The following TNXB variants were observed in gnomAD, a reference collection of about 807,000 sequenced individuals.
TNXB encodes tenascin XB, also known as tenascin-X.
A neutral mutation model predicts 340.5 loss-of-function variants in TNXB; 183 were observed. The observed-to-expected ratio is 0.54, with a 90% confidence interval of 0.48 to 0.61. TNXB has a LOEUF of 0.61. Ranked by LOEUF, TNXB falls within the 20% of genes least tolerant of loss-of-function variation. TNXB has a pLI of 0.00. For missense variants in TNXB, 4,613 were observed against 5,446.4 expected (o/e 0.85, Z 4.82); for synonymous variants, 2,121 against 2,314.5 (o/e 0.92, Z 2.40).
Position 32,100,821 on chromosome 6 carries a change from C to T in TNXB, c.-8-2615G>A, listed in dbSNP as rs535727128. 5.9e-5 allele frequency among the ~76,000 whole-genome samples: 9 copies of T among 152,094 alleles called. No homozygotes were observed. The South Asian group carries it at 1.5e-3, about 25-fold the overall frequency. The stretch of plus-strand genomic sequence containing the variant: ...AGGCAGCTGGGTGTGGTGGTTCACA[C>T]CTGAAATCCCAGCACTTTGGGAGGC... On this transcript the variant is annotated intron_variant, in intron 1 of 43. Coordinates refer to ENST00000644971, the MANE Select transcript of TNXB (RefSeq NM_001365276.2).
At position 32,056,776 on chromosome 6, in the gene TNXB, G is replaced by A. The variant is rs751430201; in HGVS notation, c.7953C>T (p.Pro2651=). The A allele has an allele frequency of 4.9e-5, 79 of 1,613,176 alleles. No individual in the cohort carries two copies. The Admixed American group carries it at 9.5e-4, about 19-fold the overall frequency. ...CCAGGAAGTGGTCAAACTGGCCCTCGGGAACCGTCCAGGACAGGCTGAGGG... is the reference window on the plus strand; with the variant it reads ...CCAGGAAGTGGTCAAACTGGCCCTCAGGAACCGTCCAGGACAGGCTGAGGG... ...PDSLSLSWTV[P]EGQFDHFLVQ... The change falls in exon 23 of 44, where the codon CCC becomes CCT. Residue 2651 remains proline, a synonymous_variant. Coordinates refer to ENST00000644971, the MANE Select transcript of TNXB (RefSeq NM_001365276.2).
At chr6:32,048,099 G>T in intron 29 of TNXB, 87 bp from the exon 30 acceptor site, 1 of 1,472,274 alleles carries the variant, frequency 6.8e-7, no homozygotes, top group Non-Finnish European at 9.2e-7. Context: ...CTGTGAGCCG[G>T]TCCCAGGAAC....
Position 32,097,799 on chromosome 6 carries a change from T to C in TNXB, c.400A>G (p.Thr134Ala). Residue 134 changes from threonine (T) to alanine (A), a missense_variant, in exon 2 of 44, where the codon ACA becomes GCA. This residue lies in a region of TNXB where 4,327 missense variants were observed against 4,859.4 expected (regional missense o/e 0.89). Coordinates refer to ENST00000644971, the MANE Select transcript of TNXB (RefSeq NM_001365276.2). The surrounding 1 kb of genome is among the most constrained non-coding windows in gnomAD (Gnocchi z 5.9). ...TCTTCTGTGATCACCTGCTCACCTG[T>C]GCCAGCTTGGGCAGAGGCAGGACAA... is the stretch of plus-strand genomic sequence containing the variant. The part of the protein sequence containing the change: ...GCCPASAQAG[T>A]GQTDVRTLCS... 1 of 1,502,380 alleles carries C rather than the reference T, an allele frequency of 6.7e-7. No homozygotes were observed. The highest frequency in any genetic ancestry group is 8.9e-7 in the Non-Finnish European group (1 of 1,124,450). The allele number at this position is 1,502,380 out of a possible 1,614,324, so 93.1% of individuals were successfully genotyped here.
At position 32,081,694 on chromosome 6, in the gene TNXB, C is replaced by G. The variant is rs1339003151; in HGVS notation, c.3737-21G>C. 1 of 1,548,368 alleles carries G rather than the reference C, an allele frequency of 6.5e-7. No individual in the cohort carries two copies. Among genetic ancestry groups the G allele is most frequent in the Non-Finnish European group, 8.7e-7 (1 of 1,143,192 alleles). The stretch of plus-strand genomic sequence containing the variant: ...TGGAGCTGTAAACAAGGAGATCCAG[C>G]CAGGTGCTGAACTGGCAGCCTGGGA... On this transcript the variant is annotated intron_variant, in intron 9 of 43. Transcript: ENST00000644971. This position sits in a 1 kb window ranked among gnomAD's most constrained non-coding sequence, Gnocchi z 5.1.
Position 32,069,543 on chromosome 6 carries a change from G to T in TNXB, c.5587+10C>A. On this transcript the variant is annotated intron_variant, in intron 15 of 43. Transcript: ENST00000644971. The surrounding 1 kb of genome is among the most constrained non-coding windows in gnomAD (Gnocchi z 6.2). ...AGGAGGCACAGGTGTTCCAGCTGCC[G>T]CACACTCACCAGTAATGGCGACGGC... is the stretch of plus-strand genomic sequence containing the variant. 6.5e-7 allele frequency: 1 copy of T among 1,548,416 alleles called. No homozygotes were observed. Among genetic ancestry groups the T allele is most frequent in the Non-Finnish European group, 8.7e-7 (1 of 1,143,862 alleles).
chr6:32,091,121 T>C (rs1411719729), intron 4 of TNXB, among the ~76,000 whole-genome samples: 4 of 152,228 alleles, frequency 2.6e-5, no homozygotes, highest in African/African-American at 9.6e-5. Context: ...TTCTTTTTTC[T>C]TTTTTTGAGA....
chr6:32,058,573 C>T lies in TNXB; in HGVS notation c.7493-183G>A, dbSNP rs1367255646. ...AGCCGGTGAGGTATCCCCGAGCCCCCGGCCTGTACTGCTGGCAGAGCTGCA... is the reference window on the plus strand; with the variant it reads ...AGCCGGTGAGGTATCCCCGAGCCCCTGGCCTGTACTGCTGGCAGAGCTGCA... On this transcript the variant is annotated intron_variant, in intron 21 of 43. Coordinates refer to ENST00000644971, the MANE Select transcript of TNXB (RefSeq NM_001365276.2). The surrounding 1 kb of genome is among the most constrained non-coding windows in gnomAD (Gnocchi z 5.1). Among the ~76,000 whole-genome samples, 3 of 151,772 alleles carry T rather than the reference C, an allele frequency of 2.0e-5. No homozygotes were observed. Among genetic ancestry groups the T allele is most frequent in the East Asian group, 1.9e-4 (1 of 5,190 alleles).
chr6:32,043,822 A>G lies in TNXB; in HGVS notation c.11457T>C (p.Ala3819=). 1 of 1,613,498 alleles carries G rather than the reference A, an allele frequency of 6.2e-7. No homozygotes were observed. Among genetic ancestry groups the G allele is most frequent in the Non-Finnish European group, 8.5e-7 (1 of 1,179,976 alleles). Residue 3819 remains alanine (A), a synonymous_variant, in exon 35 of 44, where the codon GCT becomes GCC. Transcript: ENST00000644971. ...TQKLQGLIPG[A]RYEVTVVSVR... ...CCGAGACCACGGTCACCTCATAGCG[A>G]GCGCCTGGGATCAGCCCCTGGAGTT...
intron 4 of TNXB, among the ~76,000 whole-genome samples, chr6:32,094,407 TA>T (rs1276403841): frequency 6.6e-6 from 1 of 152,158 alleles, no homozygotes; most frequent in Non-Finnish European, 1.5e-5. Context: ...CTTTTATAAT[TA>T]AAAGTTACTT....
chr6:32,079,011 C>G lies in TNXB; in HGVS notation c.4375+22G>C. The G allele has an allele frequency of 6.2e-7, 1 of 1,600,632 alleles. No homozygotes were observed. Among genetic ancestry groups the G allele is most frequent in the Non-Finnish European group, 8.5e-7 (1 of 1,174,158 alleles). On this transcript the variant is annotated intron_variant, in intron 11 of 43. Transcript: ENST00000644971. The surrounding 1 kb of genome is among the most constrained non-coding windows in gnomAD (Gnocchi z 7.1). ...AGCCAGCAGTGGGAGGGAACCAAAG[C>G]AGGCCCCTGCCCCTCACTCACCTGT...
intron 1 of TNXB, among the ~76,000 whole-genome samples, chr6:32,099,478 C>T (rs1665335048): frequency 1.3e-5 from 2 of 152,054 alleles, no homozygotes; most frequent in Admixed American, 6.5e-5. Flanking sequence ...GTGATGTGCC[C>T]GCCTTGGCCT....
chr6:32,098,456 T>TTTTTTG (rs147759972), intron 1 of TNXB, among the ~76,000 whole-genome samples: 1 of 151,678 alleles, frequency 6.6e-6, no homozygotes, highest in Non-Finnish European at 1.5e-5. Flanking sequence ...TACACTGGTT[T>TTTTTTG]TTTTGTTTTG....
In TNXB at chr6:32,062,114, C is replaced by A; in HGVS notation, c.7168+43G>T. ...TCATCACCAAAGAGCAAGAGGGTGA[C>A]CCTCCCATGGCTCCCACCCTGGGGC... On this transcript the variant is annotated intron_variant, in intron 20 of 43. Transcript: ENST00000644971. The surrounding 1 kb of genome is among the most constrained non-coding windows in gnomAD (Gnocchi z 4.3). The A allele has an allele frequency of 6.3e-7, 1 of 1,581,000 alleles. No homozygotes were observed. Among genetic ancestry groups the A allele is most frequent in the Non-Finnish European group, 8.6e-7 (1 of 1,161,296 alleles).
At position 32,096,308 on chromosome 6, in the gene TNXB, G is replaced by T. The variant is rs1335090409; in HGVS notation, c.1545C>A (p.Asn515Lys). ...CACAGTCCTCACCGGTGAAGCCCGGGTTGCACACGCAGCGGCCATCCACGC... is the reference window on the plus strand; with the variant it reads ...CACAGTCCTCACCGGTGAAGCCCGGTTTGCACACGCAGCGGCCATCCACGC... The part of the protein sequence containing the change: ...GRCVDGRCVC[N>K]PGFTGEDCGS... Residue 515 changes from asparagine to lysine, a missense_variant, in exon 3 of 44, where the codon AAC becomes AAA. Asn to Lys is a moderately conservative substitution (Grantham distance 94). This residue lies in a region of TNXB where 4,327 missense variants were observed against 4,859.4 expected (regional missense o/e 0.89). Transcript: ENST00000644971. The T allele has an allele frequency of 1.3e-6, 2 of 1,551,346 alleles. No individual in the cohort carries two copies. Among genetic ancestry groups the T allele is most frequent in the Non-Finnish European group, 1.7e-6 (2 of 1,153,300 alleles).
chr6:32,076,654 G>A (rs946495137), intron 11 of TNXB, among the ~76,000 whole-genome samples: 2 of 152,350 alleles, frequency 1.3e-5, no homozygotes, highest in Admixed American at 6.5e-5. Flanking sequence ...ATATGAGGAA[G>A]CTGAGGTTCC....
At chr6:32,094,741 C>G (rs1042537843) in intron 4 of TNXB, among the ~76,000 whole-genome samples, 6 of 152,184 alleles carry the variant, frequency 3.9e-5, no homozygotes, top group African/African-American at 1.4e-4. Context: ...GAATACCCAG[C>G]TAGGGCCAAC....
chr6:32,092,702 AAAAG>A (rs1189888592), intron 4 of TNXB, among the ~76,000 whole-genome samples: 1 of 150,486 alleles, frequency 6.6e-6, no homozygotes, highest in Non-Finnish European at 1.5e-5. Context: ...AAAAAAAAAA[AAAAG>A]AAAGAAAGAA....
At position 32,063,158 on chromosome 6, in the gene TNXB, C is replaced by T. The variant is rs544198818; in HGVS notation, c.6842-675G>A. 9.2e-5 allele frequency among the ~76,000 whole-genome samples: 14 copies of T among 152,186 alleles called. No homozygotes were observed. The East Asian group carries it at 1.4e-3, about 15-fold the overall frequency. ...ATCCCAGCACTTTGGGAGGCCGAGG[C>T]GGGAGGATCACCTGAGGTCAGGAGC... On this transcript the variant is annotated intron_variant, in intron 19 of 43. Coordinates refer to ENST00000644971, the MANE Select transcript of TNXB (RefSeq NM_001365276.2).
In TNXB at chr6:32,048,452, C is replaced by T; in HGVS notation, c.9956G>A (p.Gly3319Glu). The T allele has an allele frequency of 6.3e-7, 1 of 1,588,514 alleles. No individual in the cohort carries two copies. Among genetic ancestry groups the T allele is most frequent in the Non-Finnish European group, 8.6e-7 (1 of 1,166,094 alleles). ...SGDLRAVAVS[G>E]LDPARKYKFL... The stretch of plus-strand genomic sequence containing the variant: ...CTTGTACTTGCGGGCCGGGTCCAGC[C>T]CCGAGACGGCGACCGCTCGGAGGTC... The change falls in exon 29 of 44, where the codon GGG becomes GAG. Residue 3319 changes from glycine (G) to glutamate (E), a missense_variant. Gly to Glu is a moderately conservative substitution (Grantham distance 98). Transcript: ENST00000644971.
Sources: allele counts gnomAD v4.1 joint callset (sites outside exome capture counted in the v4.1 genomes callset), GRCh38; gene constraint gnomAD v4.1.1; regional missense constraint gnomAD v4.1.1; non-coding constraint Gnocchi (gnomAD v3.1); transcripts MANE v1.5; gene names NCBI Gene and HGNC (gene_info 2026-07-23, HGNC 2026-07-21).